The following LHCGR variants were observed in gnomAD, a reference collection of about 807,000 sequenced individuals.
LHCGR encodes luteinizing hormone/choriogonadotropin receptor.
Under a neutral mutation model 60.7 loss-of-function variants are expected in LHCGR, and 55 were observed. The ratio of observed to expected loss-of-function variants is 0.91; its 90% CI spans 0.73 to 1.13. The LOEUF is 1.13. Among genes scored for constraint, LHCGR ranks in the 50% most tolerant of loss-of-function variants. The pLI is 0.00. For synonymous variants in LHCGR, 337 were observed against 316.5 expected, an observed-to-expected ratio of 1.06 and a Z score of -0.69; for missense variants, 862 against 836.0, an observed-to-expected ratio of 1.03 and a Z score of -0.38.
chr2:48,724,453 G>A (rs531792966), intron 4 of LHCGR, among the ~76,000 whole-genome samples: 118 of 152,258 alleles, frequency 7.7e-4, no homozygotes, highest in Middle Eastern at 3.4e-3. Flanking sequence ...TCACCCTCGT[G>A]ACAATGAAAC....
intron 3 of LHCGR, 29 bp downstream of exon 3, chr2:48,729,124 C>A (rs750183555): frequency 1.3e-6 from 2 of 1,503,220 alleles, no homozygotes; most frequent in Non-Finnish European, 1.9e-6. Context: ...TAGTGTACAG[C>A]AGTAAACTGT....
intron 10 of LHCGR, among the ~76,000 whole-genome samples, chr2:48,689,090 T>TATATATACATATATACAC: frequency 6.6e-6 from 1 of 151,342 alleles, no homozygotes; most frequent in Non-Finnish European, 1.5e-5. Flanking sequence ...TATACACACA[T>TATATATACATATATACAC]ATATATACAT....
chr2:48,742,112 T>C (rs1168443354), intron 1 of LHCGR, among the ~76,000 whole-genome samples: 1 of 151,548 alleles, frequency 6.6e-6, no homozygotes, highest in Non-Finnish European at 1.5e-5. Context: ...TACATAATGG[T>C]AAAGGGATCA....
intron 6 of LHCGR, among the ~76,000 whole-genome samples, chr2:48,714,988 A>G (rs374888937): frequency 6.6e-6 from 1 of 152,198 alleles, no homozygotes; most frequent in East Asian, 1.9e-4. Flanking sequence ...CAGCACATCA[A>G]TTTTGCTGAT....
At chr2:48,729,804 G>GT (rs1405382357) in intron 2 of LHCGR, among the ~76,000 whole-genome samples, 2 of 152,138 alleles carry the variant, frequency 1.3e-5, no homozygotes, top group Admixed American at 1.3e-4. Flanking sequence ...TTCCTTGACT[G>GT]TTTTTCTCAC....
At chr2:48,734,210 C>T (rs1462193565) in intron 1 of LHCGR, among the ~76,000 whole-genome samples, 1 of 152,162 alleles carries the variant, frequency 6.6e-6, no homozygotes, top group African/African-American at 2.4e-5. Flanking sequence ...CACAGAGTAG[C>T]ATGGGTGGAT....
chr2:48,731,110 G>A, intron 2 of LHCGR, 117 bp downstream of exon 2: 1 of 680,556 alleles, frequency 1.5e-6, no homozygotes, highest in Non-Finnish European at 2.6e-6. Context: ...AAATATGTGA[G>A]TATCCTAAAC....
chr2:48,738,578 A>G (rs569895357), intron 1 of LHCGR, among the ~76,000 whole-genome samples: 43 of 152,280 alleles, frequency 2.8e-4, no homozygotes, highest in African/African-American at 9.1e-4. Flanking sequence ...TCAAGGCTCA[A>G]TCTTTATTCA....
At position 48,688,024 on chromosome 2, in the gene LHCGR, T is replaced by G; in HGVS notation, c.1773A>C (p.Ser591=). The G allele has an allele frequency of 6.2e-7, 1 of 1,614,168 alleles. No individual in the cohort carries two copies. Residue 591 remains serine (S), a synonymous_variant, in exon 11 of 11, where the codon TCA becomes TCC. Coordinates refer to ENST00000294954, the MANE Select transcript of LHCGR (RefSeq NM_000233.4). This position sits in a 1 kb window ranked among gnomAD's most constrained non-coding sequence, Gnocchi z 5.2. The part of the protein sequence containing the change: ...CMAPISFFAI[S]AAFKVPLITV... Reference sequence around the variant, plus strand: ...TGATAAGAGGTACTTTGAAGGCAGCTGAGATGGCAAAAAAAGAGATAGGTG... The same window carrying G: ...TGATAAGAGGTACTTTGAAGGCAGCGGAGATGGCAAAAAAAGAGATAGGTG...
intron 1 of LHCGR, among the ~76,000 whole-genome samples, chr2:48,733,706 G>C (rs1320315122): frequency 1.3e-5 from 2 of 152,058 alleles, no homozygotes; most frequent in African/African-American, 4.8e-5. Flanking sequence ...GTTCCCATGA[G>C]GCAACACAGA....
intron 1 of LHCGR, among the ~76,000 whole-genome samples, chr2:48,740,815 A>T (rs1482876200): frequency 6.6e-6 from 1 of 152,246 alleles, no homozygotes; most frequent in Non-Finnish European, 1.5e-5. Flanking sequence ...GCAGTTTCTC[A>T]CCAGCAACGG....
chr2:48,733,206 A>G (rs1669083524), intron 1 of LHCGR: 1 of 280,168 alleles, frequency 3.6e-6, no homozygotes, highest in Non-Finnish European at 7.0e-6. Context: ...TATTTTGGAG[A>G]GTGTTTACAT....
intron 1 of LHCGR, among the ~76,000 whole-genome samples, chr2:48,748,352 G>C (rs898424788): frequency 1.3e-5 from 2 of 152,168 alleles, no homozygotes; most frequent in African/African-American, 4.8e-5. Flanking sequence ...GATGGGGAAA[G>C]GGGGGAGGAA....
At chr2:48,723,748 T>G in intron 4 of LHCGR, 52 bp from the exon 5 acceptor site, 1 of 1,270,316 alleles carries the variant, frequency 7.9e-7, no homozygotes, top group Non-Finnish European at 1.2e-6. Context: ...TAAAAGTGAT[T>G]GTCATTAAGA....
In LHCGR at chr2:48,693,802, A is replaced by G. The variant is rs143865144; in HGVS notation, c.947+422T>C. On this transcript the variant is annotated intron_variant, in intron 10 of 10. Transcript: ENST00000294954. ...TTTAAGCTCAGGAGCATAGTTGTCGAGGTAGCCTAAGTCTCCTTTAAGGGA... is the reference window on the plus strand; with the variant it reads ...TTTAAGCTCAGGAGCATAGTTGTCGGGGTAGCCTAAGTCTCCTTTAAGGGA... 8.5e-3 allele frequency among the ~76,000 whole-genome samples: 1,298 copies of G among 152,336 alleles called. 8 individuals are homozygous for G. The highest frequency in any genetic ancestry group is 0.014 in the Non-Finnish European group (955 of 68,024).
At position 48,698,729 on chromosome 2, in the gene LHCGR, G is replaced by A. The variant is rs760554163; in HGVS notation, c.752C>T (p.Thr251Met). 2.5e-6 allele frequency: 4 copies of A among 1,614,042 alleles called. No individual in the cohort carries two copies. The highest frequency in any genetic ancestry group is 3.4e-6 in the Non-Finnish European group (4 of 1,179,906). The change falls in exon 9 of 11, where the codon ACG (threonine) becomes ATG (methionine). Residue 251 changes from threonine (T) to methionine (M), a missense_variant. Coordinates refer to ENST00000294954, the MANE Select transcript of LHCGR (RefSeq NM_000233.4). ...CAATTTTTTTAGAGAATAGGATGAC[G>A]TGGCAATTAGCCTCTGAATGGACTC... ...GLESIQRLIA[T>M]SSYSLKKLPS...
chr2:48,726,808 G>A (rs76889437), intron 3 of LHCGR, among the ~76,000 whole-genome samples: 23,634 of 152,142 alleles, frequency 0.16, 2,316 homozygotes, highest in South Asian at 0.29. Context: ...ATAAATATAT[G>A]TGTCTGGTTC....
chr2:48,739,375 C>T (rs146137926), intron 1 of LHCGR, among the ~76,000 whole-genome samples: 37 of 152,254 alleles, frequency 2.4e-4, no homozygotes, highest in African/African-American at 5.1e-4. Context: ...GTATTTATTG[C>T]GGCACTATTC....
At chr2:48,741,624 T>C (rs1301011417) in intron 1 of LHCGR, among the ~76,000 whole-genome samples, 1 of 151,518 alleles carries the variant, frequency 6.6e-6, no homozygotes, top group South Asian at 2.1e-4. Flanking sequence ...TAAAATACTT[T>C]ACAGACAAGC....
Sources: allele counts gnomAD v4.1 joint callset (sites outside exome capture counted in the v4.1 genomes callset), GRCh38; gene constraint gnomAD v4.1.1; non-coding constraint Gnocchi (gnomAD v3.1); transcripts MANE v1.5; gene names NCBI Gene and HGNC (gene_info 2026-07-23, HGNC 2026-07-21).